The following PIP5K1B variants were observed in gnomAD, a reference collection of about 807,000 sequenced individuals.
PIP5K1B encodes phosphatidylinositol-4-phosphate 5-kinase type 1 beta.
Under a neutral mutation model 67.0 loss-of-function variants are expected in PIP5K1B, and 42 were observed. The ratio of observed to expected loss-of-function variants is 0.63; its 90% confidence interval spans 0.49 to 0.81. The LOEUF (loss-of-function observed/expected upper bound fraction) is 0.81. Among genes scored for constraint, PIP5K1B ranks in the 30% least tolerant of loss-of-function variants. PIP5K1B has a pLI of 0.00. For missense variants in PIP5K1B, 459 were observed against 646.3 expected, an observed-to-expected ratio of 0.71 and a Z score of 3.14; for synonymous variants, 214 against 231.4, an observed-to-expected ratio of 0.92 and a Z score of 0.68.
chr9:68,870,914 T>C (rs1587591956), intron 5 of PIP5K1B, among the ~76,000 whole-genome samples: 1 of 152,214 alleles, frequency 6.6e-6, no homozygotes, highest in Non-Finnish European at 1.5e-5. Context: ...CAAAGCTCAC[T>C]AAATGGAAAA....
chr9:68,809,324 T>TA (rs1034363255), intron 2 of PIP5K1B, among the ~76,000 whole-genome samples: 4 of 151,470 alleles, frequency 2.6e-5, no homozygotes, highest in Admixed American at 6.6e-5. Context: ...AAACCCACAT[T>TA]AAAAAAAATA....
intron 7 of PIP5K1B, among the ~76,000 whole-genome samples, chr9:68,893,515 G>A (rs562242477): frequency 1.3e-5 from 2 of 151,818 alleles, no homozygotes; most frequent in Non-Finnish European, 2.9e-5. Context: ...TTAATTTTTA[G>A]TAGAGACAGG....
chr9:68,864,315 G>A (rs1823254707), intron 5 of PIP5K1B, among the ~76,000 whole-genome samples: 1 of 152,244 alleles, frequency 6.6e-6, no homozygotes, highest in Admixed American at 6.5e-5. Flanking sequence ...AGGCTTCCAT[G>A]AAGCAGCAAC....
chr9:68,806,898 A>C (rs1466822101), intron 2 of PIP5K1B, among the ~76,000 whole-genome samples: 1 of 150,694 alleles, frequency 6.6e-6, no homozygotes, highest in Non-Finnish European at 1.5e-5. Flanking sequence ...GGAAAATTTA[A>C]TATTCAGTGA....
chr9:68,842,833 A>G (rs927750288), intron 4 of PIP5K1B, among the ~76,000 whole-genome samples: 3 of 152,224 alleles, frequency 2.0e-5, no homozygotes, highest in Non-Finnish European at 4.4e-5. Flanking sequence ...GCCTACAGGA[A>G]TTTATGACTT....
intron 2 of PIP5K1B, among the ~76,000 whole-genome samples, chr9:68,814,568 C>G (rs1833336688): frequency 6.6e-6 from 1 of 152,120 alleles, no homozygotes; most frequent in Non-Finnish European, 1.5e-5. Flanking sequence ...GTAATCCCAG[C>G]ACTTTGGGAG....
intron 1 of PIP5K1B, among the ~76,000 whole-genome samples, chr9:68,730,108 A>C (rs1289661537): frequency 6.6e-6 from 1 of 152,194 alleles, no homozygotes; most frequent in Admixed American, 6.5e-5. Context: ...GAAAAAAGAG[A>C]CATAATGTTG....
chr9:68,823,731 G>C lies in PIP5K1B; in HGVS notation c.69+1048G>C, dbSNP rs1833845270. 2.6e-5 allele frequency among the ~76,000 whole-genome samples: 4 copies of C among 152,282 alleles called. No individual in the cohort carries two copies. The South Asian group carries it at 8.3e-4, about 32-fold the overall frequency. On this transcript the variant is annotated intron_variant, in intron 4 of 15. Coordinates refer to ENST00000265382, the MANE Select transcript of PIP5K1B (RefSeq NM_003558.4). ...GCCCTCTTAAGAGTAGGAGGTTTGT[G>C]TATTGAAGGTTTATTATTTCTTAAT...
intron 6 of PIP5K1B, among the ~76,000 whole-genome samples, chr9:68,880,636 C>CAA (rs1824155566): frequency 6.8e-6 from 1 of 147,854 alleles, no homozygotes; most frequent in African/African-American, 2.5e-5. Context: ...CACACACACA[C>CAA]AAAATAGAGG....
rs1831155598 is a variant in PIP5K1B at position 68,780,075 on chromosome 9, T to TGGC, written c.-86+37425_-86+37427dup. 4 of 1,427,942 alleles carry TGGC rather than the reference T, an allele frequency of 2.8e-6. No homozygotes were observed. In the South Asian group the frequency reaches 6.5e-5, roughly 23 times the overall value. The allele number at this position is 1,427,942 out of a possible 1,614,324, so 88.5% of individuals were successfully genotyped here. On this transcript the variant is annotated intron_variant, in intron 2 of 15. Coordinates refer to ENST00000265382, the MANE Select transcript of PIP5K1B (RefSeq NM_003558.4). ...GGCCAGCCCGCTGACAGATTCTCGGTGGCGGCGGCAGCGGCGGCGGCCCTG... is the reference window on the plus strand; with the variant it reads ...GGCCAGCCCGCTGACAGATTCTCGGTGGCGGCGGCGGCAGCGGCGGCGGCCCTG...
chr9:68,826,877 G>A (rs1316447320), intron 4 of PIP5K1B, among the ~76,000 whole-genome samples: 3 of 152,046 alleles, frequency 2.0e-5, no homozygotes, highest in East Asian at 1.9e-4. Flanking sequence ...TCAGCCTCCC[G>A]AGTAGCTGGG....
chr9:68,949,750 A>G (rs1827967659), intron 14 of PIP5K1B, among the ~76,000 whole-genome samples: 1 of 152,256 alleles, frequency 6.6e-6, no homozygotes, highest in Non-Finnish European at 1.5e-5. Context: ...ATCATATAGC[A>G]GATTCAGAGA....
intron 2 of PIP5K1B, among the ~76,000 whole-genome samples, chr9:68,754,277 C>T (rs1350493859): frequency 6.6e-6 from 1 of 151,242 alleles, no homozygotes; most frequent in African/African-American, 2.4e-5. Flanking sequence ...TCACGCCATT[C>T]TCCTGCCTCA....
At chr9:68,963,048 A>G in intron 14 of PIP5K1B, 1 of 364,496 alleles carries the variant, frequency 2.7e-6, no homozygotes, top group Non-Finnish European at 5.5e-6. Context: ...CATCGATGAA[A>G]GAAACTTATA....
At chr9:68,945,397 C>T (rs1362688906) in intron 14 of PIP5K1B, among the ~76,000 whole-genome samples, 1 of 152,168 alleles carries the variant, frequency 6.6e-6, no homozygotes, top group African/African-American at 2.4e-5. Flanking sequence ...CCACCCTGCT[C>T]AGCCTCCCAA....
At chr9:68,767,336 G>A (rs753434661) in intron 2 of PIP5K1B, among the ~76,000 whole-genome samples, 9 of 152,204 alleles carry the variant, frequency 5.9e-5, no homozygotes, top group Non-Finnish European at 1.0e-4. Flanking sequence ...GCTCACGCCT[G>A]TAATCCCAGC....
intron 15 of PIP5K1B, among the ~76,000 whole-genome samples, chr9:69,004,263 G>T (rs1200426358): frequency 6.6e-6 from 1 of 152,036 alleles, no homozygotes; most frequent in African/African-American, 2.4e-5. Context: ...ATTTTAAATA[G>T]TTCATGAATT....
chr9:69,007,520 C>T (rs1477708073), intron 15 of PIP5K1B, among the ~76,000 whole-genome samples: 2 of 152,138 alleles, frequency 1.3e-5, no homozygotes, highest in African/African-American at 4.8e-5. Context: ...GATGAAACAA[C>T]AAGGTTCCAA....
chr9:68,793,954 A>G, intron 2 of PIP5K1B, among the ~76,000 whole-genome samples: 1 of 152,240 alleles, frequency 6.6e-6, no homozygotes, highest in African/African-American at 2.4e-5. Context: ...AAGCTAGAGC[A>G]ATCAGAGAGG....
Sources: allele counts gnomAD v4.1 joint callset (sites outside exome capture counted in the v4.1 genomes callset), GRCh38; gene constraint gnomAD v4.1.1; transcripts MANE v1.5; gene names NCBI Gene and HGNC (gene_info 2026-07-23, HGNC 2026-07-21).